AGAP1: variants seen among roughly 807,000 people sequenced by gnomAD.
AGAP1 encodes ArfGAP with GTPase domain, ankyrin repeat and PH domain 1.
AGAP1 carries 29 observed loss-of-function variants against 105.3 expected under a neutral mutation model. The observed-to-expected ratio is 0.28, with a 90% CI of 0.21 to 0.38. The LOEUF (loss-of-function observed/expected upper bound fraction) is 0.38. Among genes scored for constraint, AGAP1 ranks in the 10% least tolerant of loss-of-function variants. The pLI is 1.00. For synonymous variants in AGAP1, 509 were observed against 485.9 expected, an observed-to-expected ratio of 1.05 and a Z score of -0.63; for missense variants, 998 against 1,165.1, an observed-to-expected ratio of 0.86 and a Z score of 2.09.
chr2:235,813,923 G>A (rs1441774788), intron 9 of AGAP1, among the ~76,000 whole-genome samples: 1 of 152,124 alleles, frequency 6.6e-6, no homozygotes, highest in East Asian at 1.9e-4. Context: ...CCTGGAGTCG[G>A]GCCACTCAGT....
Position 236,036,814 on chromosome 2 carries a change from G to T in AGAP1, c.1800+99G>T. The T allele has an allele frequency of 6.6e-7, 1 of 1,513,208 alleles. No homozygotes were observed. The highest frequency in any genetic ancestry group is 8.8e-7 in the Non-Finnish European group (1 of 1,130,702). 93.7% of individuals were successfully genotyped at this position (1,513,208 alleles called of 1,614,324 possible). A position where few individuals can be genotyped will look rare whatever the true frequency, so the allele number is the denominator to read the frequency against. On this transcript the variant is annotated intron_variant, in intron 14 of 17. Coordinates refer to ENST00000304032, the MANE Select transcript of AGAP1 (RefSeq NM_001037131.3). The surrounding 1 kb of genome is among the most constrained non-coding windows in gnomAD (Gnocchi z 5.7). ...GGAGGAGAAAATAGAGGACCAGTGT[G>T]AATGACAGGACCTAGCTATTCTTTA...
At chr2:235,803,237 T>C (rs933570272) in intron 8 of AGAP1, among the ~76,000 whole-genome samples, 6 of 151,820 alleles carry the variant, frequency 4.0e-5, no homozygotes, top group Non-Finnish European at 5.9e-5. Context: ...CGGTGTAGTC[T>C]TAAGTTGAAG....
Position 235,596,923 on chromosome 2 carries a change from C to T in AGAP1, c.163+102074C>T, listed in dbSNP as rs1945544553. 6.6e-6 allele frequency among the ~76,000 whole-genome samples: 1 copy of T among 152,142 alleles called. No homozygotes were observed. Among genetic ancestry groups the T allele is most frequent in the Non-Finnish European group, 1.5e-5 (1 of 68,028 alleles). ...CTTGCTCTGTACCCTATGAGGACAT[C>T]ATGAGGAGATATGGCTTCTGCAGGA... On this transcript the variant is annotated intron_variant, in intron 1 of 17. Coordinates refer to ENST00000304032, the MANE Select transcript of AGAP1 (RefSeq NM_001037131.3). This position sits in a 1 kb window ranked among gnomAD's most constrained non-coding sequence, Gnocchi z 5.9.
intron 12 of AGAP1, among the ~76,000 whole-genome samples, chr2:235,954,275 A>G (rs1323139915): frequency 6.6e-6 from 1 of 151,696 alleles, no homozygotes; most frequent in South Asian, 2.1e-4. Context: ...ACACAGCCAC[A>G]TAAAGGAGAC....
At chr2:235,589,651 A>G (rs1945264090) in intron 1 of AGAP1, among the ~76,000 whole-genome samples, 2 of 152,144 alleles carry the variant, frequency 1.3e-5, no homozygotes, top group Admixed American at 1.3e-4. Context: ...TTTTAAAATT[A>G]TTCTGGATGA....
chr2:236,017,724 A>G (rs1319130569), intron 13 of AGAP1, among the ~76,000 whole-genome samples: 1 of 152,218 alleles, frequency 6.6e-6, no homozygotes, highest in Non-Finnish European at 1.5e-5. Context: ...GTTTGAGTCT[A>G]AGGATCTCTC....
chr2:235,713,942 T>A (rs1950971198), intron 2 of AGAP1, among the ~76,000 whole-genome samples: 1 of 152,166 alleles, frequency 6.6e-6, no homozygotes, highest in African/African-American at 2.4e-5. Flanking sequence ...GCTAATCTGC[T>A]CCCACAACTG....
chr2:235,885,550 T>C (rs1436781054), intron 10 of AGAP1, among the ~76,000 whole-genome samples: 3 of 152,226 alleles, frequency 2.0e-5, no homozygotes, highest in Admixed American at 6.5e-5. Flanking sequence ...CCCAGAAAGG[T>C]TGTATCAGTT....
At chr2:235,986,899 T>C (rs925963824) in intron 13 of AGAP1, among the ~76,000 whole-genome samples, 7 of 152,212 alleles carry the variant, frequency 4.6e-5, no homozygotes, top group Admixed American at 3.9e-4. Flanking sequence ...GATTTTTGCA[T>C]TGATGTTCAT....
chr2:235,514,158 GCGCGCACA>G (rs1253680667), intron 1 of AGAP1, among the ~76,000 whole-genome samples: 1 of 66,208 alleles, frequency 1.5e-5, no homozygotes, highest in East Asian at 4.1e-4. Flanking sequence ...GCGCGTGCGC[GCGCGCACA>G]CACACACACA....
chr2:235,565,744 T>G (rs1486274367), intron 1 of AGAP1, among the ~76,000 whole-genome samples: 1 of 152,154 alleles, frequency 6.6e-6, no homozygotes, highest in African/African-American at 2.4e-5. Flanking sequence ...CACTGCAACC[T>G]CTGCCTCCCA....
At chr2:235,999,222 G>A (rs2055966403) in intron 13 of AGAP1, among the ~76,000 whole-genome samples, 1 of 150,056 alleles carries the variant, frequency 6.7e-6, no homozygotes, top group African/African-American at 2.5e-5. Context: ...TGGTATGGTG[G>A]TGATGATGGT....
intron 9 of AGAP1, among the ~76,000 whole-genome samples, chr2:235,876,711 G>C (rs144235637): frequency 6.6e-6 from 1 of 152,130 alleles, no homozygotes; most frequent in Non-Finnish European, 1.5e-5. Context: ...ACCTTGTCCC[G>C]ATTTTACCTC....
intron 13 of AGAP1, among the ~76,000 whole-genome samples, chr2:236,008,763 G>T (rs1255617067): frequency 2.6e-5 from 4 of 152,238 alleles, no homozygotes; most frequent in Non-Finnish European, 5.9e-5. Context: ...AGAGTAAGAG[G>T]TTGAAGGAAG....
chr2:235,636,688 C>A (rs1220751320), intron 1 of AGAP1, among the ~76,000 whole-genome samples: 2 of 152,132 alleles, frequency 1.3e-5, no homozygotes, highest in Non-Finnish European at 2.9e-5. Context: ...ACCAAGTCGT[C>A]GTGTCATCAC....
Position 235,773,444 on chromosome 2 carries a change from A to G in AGAP1, c.673+22956A>G, listed in dbSNP as rs1340106831. Reference sequence around the variant, plus strand: ...TGCAAATGTCTGATTGATTGGTTGCAGAAAGCAACCAGGTGGAGGCACTTT... The same window carrying G: ...TGCAAATGTCTGATTGATTGGTTGCGGAAAGCAACCAGGTGGAGGCACTTT... On this transcript the variant is annotated intron_variant, in intron 6 of 17. Transcript: ENST00000304032. Among the ~76,000 whole-genome samples, 4 of 152,244 alleles carry G rather than the reference A, an allele frequency of 2.6e-5. No homozygotes were observed. In the South Asian group the frequency reaches 8.3e-4, roughly 32 times the overall value.
At chr2:236,115,631 T>C (rs917280735) in intron 16 of AGAP1, among the ~76,000 whole-genome samples, 2 of 152,178 alleles carry the variant, frequency 1.3e-5, no homozygotes, top group Admixed American at 1.3e-4. Flanking sequence ...CCCAGTGCCC[T>C]TGTCTGAGTC....
At chr2:235,668,495 G>C (rs1300822366) in intron 1 of AGAP1, among the ~76,000 whole-genome samples, 1 of 152,244 alleles carries the variant, frequency 6.6e-6, no homozygotes, top group African/African-American at 2.4e-5. Context: ...CCTGTAGCAA[G>C]CTGTGGCATT....
chr2:235,933,301 G>A (rs1412747139), intron 12 of AGAP1, among the ~76,000 whole-genome samples: 1 of 152,112 alleles, frequency 6.6e-6, no homozygotes. Context: ...AAGGGAAGAT[G>A]GAATAGCCAC....
Sources: gnomAD v4.1 joint callset for allele counts (sites outside exome capture counted in the v4.1 genomes callset) on GRCh38, gnomAD v4.1.1 for gene constraint, Gnocchi (gnomAD v3.1) non-coding constraint, MANE v1.5 for transcripts, NCBI Gene and HGNC (gene_info 2026-07-23, HGNC 2026-07-21) for gene names.